The following HHLA2 variants were observed in gnomAD, a reference collection of about 807,000 sequenced individuals.
HHLA2 encodes the protein HERV-H LTR-associating protein 2.
In HHLA2, 48 loss-of-function variants were observed where a neutral mutation model predicts 45.9. The observed-to-expected ratio is 1.05, with a 90% CI of 0.83 to 1.33. The LOEUF (loss-of-function observed/expected upper bound fraction) is 1.33, where lower values mean the gene tolerates loss of function less well. HHLA2 is among the 40% of genes most tolerant of loss of function. The pLI is 0.00. For synonymous variants in HHLA2, 161 were observed against 173.9 expected, an observed-to-expected ratio of 0.93 and a Z score of 0.59; for missense variants, 462 against 494.3, an observed-to-expected ratio of 0.93 and a Z score of 0.62.
chr3:108,303,818 A>AT (rs574469121), intron 1 of HHLA2, among the ~76,000 whole-genome samples: 36 of 151,300 alleles, frequency 2.4e-4, no homozygotes, highest in South Asian at 8.4e-4. Context: ...TGGGCTCTTG[A>AT]TTTTTTTTTC....
intron 3 of HHLA2, among the ~76,000 whole-genome samples, chr3:108,335,837 A>C (rs2081463314): frequency 6.6e-6 from 1 of 152,118 alleles, no homozygotes; most frequent in South Asian, 2.1e-4. Context: ...AGACTCCACC[A>C]CACAGTATTT....
intron 1 of HHLA2, among the ~76,000 whole-genome samples, chr3:108,301,636 C>T (rs945762749): frequency 6.6e-6 from 1 of 151,856 alleles, no homozygotes; most frequent in Non-Finnish European, 1.5e-5. Flanking sequence ...CATTGTTTCT[C>T]TTTCCCTTTT....
At chr3:108,346,247 G>A (rs2081658604) in intron 3 of HHLA2, among the ~76,000 whole-genome samples, 1 of 152,142 alleles carries the variant, frequency 6.6e-6, no homozygotes, top group South Asian at 2.1e-4. Flanking sequence ...CCTAAATGGT[G>A]GGATTTCACT....
chr3:108,314,341 TAA>T (rs35811968), intron 2 of HHLA2, among the ~76,000 whole-genome samples: 15 of 146,284 alleles, frequency 1.0e-4, no homozygotes, highest in South Asian at 2.2e-4. Context: ...TACTGTCTCT[TAA>T]AAAAAAAAAA....
chr3:108,297,620 A>C (rs1301679578), intron 1 of HHLA2, among the ~76,000 whole-genome samples: 2 of 152,218 alleles, frequency 1.3e-5, no homozygotes, highest in Non-Finnish European at 2.9e-5. Context: ...TTCAGAATAT[A>C]GATGTAAAAG....
At chr3:108,360,727 A>C (rs1442867797) in intron 7 of HHLA2, among the ~76,000 whole-genome samples, 1 of 152,166 alleles carries the variant, frequency 6.6e-6, no homozygotes, top group Non-Finnish European at 1.5e-5. Flanking sequence ...ACAATTTAAA[A>C]CTTAAGAATT....
intron 2 of HHLA2, among the ~76,000 whole-genome samples, chr3:108,317,576 C>CCTTTTT (rs778903008): frequency 8.2e-6 from 1 of 122,612 alleles, no homozygotes. Context: ...GAGATTACTT[C>CCTTTTT]TTTTTTTTTT....
intron 3 of HHLA2, among the ~76,000 whole-genome samples, chr3:108,351,065 A>T (rs972371271): frequency 6.6e-6 from 1 of 152,238 alleles, no homozygotes; most frequent in African/African-American, 2.4e-5. Context: ...TATTTCTTAC[A>T]GTGTAAAAAT....
chr3:108,346,292 A>C (rs945773793), intron 3 of HHLA2, among the ~76,000 whole-genome samples: 13 of 152,196 alleles, frequency 8.5e-5, no homozygotes, highest in Non-Finnish European at 1.6e-4. Context: ...GAGTAAAGAG[A>C]GGGTAATCCT....
chr3:108,304,866 A>G (rs988849976), intron 1 of HHLA2, among the ~76,000 whole-genome samples: 1 of 152,186 alleles, frequency 6.6e-6, no homozygotes, highest in Admixed American at 6.5e-5. Flanking sequence ...AGCTGTATAA[A>G]TAGTCACATT....
chr3:108,313,795 A>G (rs2081059880), intron 2 of HHLA2, among the ~76,000 whole-genome samples: 3 of 152,346 alleles, frequency 2.0e-5, no homozygotes, highest in East Asian at 1.9e-4. Flanking sequence ...TCTTTGCCAC[A>G]TAGACATTAA....
intron 3 of HHLA2, among the ~76,000 whole-genome samples, chr3:108,348,042 T>C (rs927741282): frequency 1.8e-4 from 28 of 152,264 alleles, no homozygotes; most frequent in African/African-American, 6.7e-4. Context: ...GTTAAACATA[T>C]GACCTTGATC....
chr3:108,355,172 G>T (rs2081862812), exon 6 of HHLA2: 1 of 1,613,492 alleles, frequency 6.2e-7, no homozygotes. Context: ...TTCTTAATAT[G>T]CAGCGTGTTA....
At chr3:108,333,673 CTTTTTAA>C (rs2081425578) in intron 3 of HHLA2, among the ~76,000 whole-genome samples, 1 of 148,012 alleles carries the variant, frequency 6.8e-6, no homozygotes. Context: ...AGGAAAAAAA[CTTTTTAA>C]GAGGAAATTT....
intron 10 of HHLA2, 171 bp downstream of exon 9, chr3:108,376,728 C>A: frequency 1.9e-6 from 1 of 526,124 alleles, no homozygotes; most frequent in Non-Finnish European, 3.4e-6. Context: ...TAGGCTTTTC[C>A]CAATGTCTAT....
intron 4 of HHLA2, among the ~76,000 whole-genome samples, 173 bp downstream of exon 3, chr3:108,352,050 TA>T (rs1454441373): frequency 6.6e-6 from 1 of 152,156 alleles, no homozygotes; most frequent in African/African-American, 2.4e-5. Context: ...CTAAAAATTA[TA>T]TATATTTTTT....
chr3:108,322,217 G>A (rs142887405), intron 2 of HHLA2, among the ~76,000 whole-genome samples: 1 of 152,328 alleles, frequency 6.6e-6, no homozygotes, highest in Non-Finnish European at 1.5e-5. Context: ...CTCTCAGGCG[G>A]AAGTCACTGG....
chr3:108,341,461 T>G (rs2081570202), intron 3 of HHLA2, among the ~76,000 whole-genome samples: 1 of 152,326 alleles, frequency 6.6e-6, no homozygotes, highest in East Asian at 1.9e-4. Context: ...TTGTTTTAGC[T>G]TCAAGATTAA....
chr3:108,370,000 G>C (rs546372949), intron 8 of HHLA2, among the ~76,000 whole-genome samples: 2 of 152,120 alleles, frequency 1.3e-5, no homozygotes, highest in Non-Finnish European at 2.9e-5. Flanking sequence ...ATCTGAGAAC[G>C]GGCAGACTGC....
Sources: allele counts gnomAD v4.1 joint callset (sites outside exome capture counted in the v4.1 genomes callset), GRCh38; gene constraint gnomAD v4.1.1; transcripts MANE v1.5; gene names NCBI Gene and HGNC (gene_info 2026-07-23, HGNC 2026-07-21).